ZYG11B: variants seen among roughly 807,000 people sequenced by gnomAD.
The protein encoded by ZYG11B is zyg-11 family member B, cell cycle regulator.
Under a neutral mutation model 82.4 loss-of-function variants are expected in ZYG11B, and 36 were observed. That is an observed-to-expected ratio of 0.44 (90% CI 0.33 to 0.58). The LOEUF is 0.58. ZYG11B is among the 20% of genes least tolerant of loss of function. The pLI, the probability that ZYG11B is intolerant of heterozygous loss-of-function variation, is 0.02. For synonymous variants in ZYG11B, 303 were observed against 312.8 expected (o/e 0.97, Z 0.33); for missense variants, 552 against 895.6 (o/e 0.62, Z 4.90).
intron 1 of ZYG11B, among the ~76,000 whole-genome samples, chr1:52,728,882 A>G (rs1489861408): frequency 6.6e-6 from 1 of 151,888 alleles, no homozygotes. Flanking sequence ...TTTAAGAAAG[A>G]AAGTAGGAAG....
intron 4 of ZYG11B, among the ~76,000 whole-genome samples, chr1:52,781,422 C>G (rs1255998596): frequency 6.6e-6 from 1 of 151,982 alleles, no homozygotes; most frequent in East Asian, 1.9e-4. Flanking sequence ...TTGCTCAAGC[C>G]AGGGAGGCAG....
chr1:52,743,606 A>G (rs1644452668), intron 1 of ZYG11B, among the ~76,000 whole-genome samples: 1 of 152,048 alleles, frequency 6.6e-6, no homozygotes, highest in Non-Finnish European at 1.5e-5. Context: ...CCCACGTATT[A>G]TTCCAAAGGC....
chr1:52,813,690 G>C lies in ZYG11B; in HGVS notation c.1850G>C (p.Trp617Ser). The stretch of plus-strand genomic sequence containing the variant: ...TTAATATCCAGAGGTGAACAAGCTT[G>C]GACATTGAGTCGTAGCCAGAGGAAT... ...AHLISRGEQA[W>S]TLSRSQRNSL... is the part of the protein sequence containing the mutation. The change falls in exon 11 of 14, where the codon TGG (tryptophan) becomes TCG (serine). Residue 617 changes from tryptophan (W) to serine (S), a missense_variant. Around this residue, in one of 3 missense-constraint regions of ZYG11B, gnomAD observed 127 missense variants for 163.4 expected, o/e 0.78. Coordinates refer to ENST00000294353, the MANE Select transcript of ZYG11B (RefSeq NM_024646.3). The C allele has an allele frequency of 1.2e-6, 2 of 1,614,080 alleles. No homozygotes were observed. The highest frequency in any genetic ancestry group is 1.7e-6 in the Non-Finnish European group (2 of 1,180,018).
At chr1:52,770,091 TA>T (rs869255442) in intron 2 of ZYG11B, among the ~76,000 whole-genome samples, 1,989 of 59,854 alleles carry the variant, frequency 0.033, 60 homozygotes, top group African/African-American at 0.099. Flanking sequence ...TATATATATA[TA>T]TTTTTTTTTT....
rs1558147890 is a variant in ZYG11B at position 52,825,651 on chromosome 1, GT to G, written c.*4024del. ...CTCCCCAGTCATCTTATTTGGCTATGTTAAAAAAAAAAAAAAAAAAAAAGCG... is the reference window on the plus strand; with the variant it reads ...CTCCCCAGTCATCTTATTTGGCTATGTAAAAAAAAAAAAAAAAAAAAAGCG... On this transcript the variant is annotated 3_prime_UTR_variant, in exon 14 of 14. Transcript: ENST00000294353. 1 of 74,128 alleles carries G rather than the reference GT, an allele frequency of 1.3e-5. No individual in the cohort carries two copies. The highest frequency in any genetic ancestry group is 4.5e-5 in the African/African-American group (1 of 22,150). 4.6% of individuals were successfully genotyped at this position (74,128 alleles called of 1,614,324 possible). A position where few individuals can be genotyped will look rare whatever the true frequency, so the allele number is the denominator to read the frequency against.
chr1:52,800,393 C>T (rs1312938542), intron 8 of ZYG11B, among the ~76,000 whole-genome samples: 2 of 151,704 alleles, frequency 1.3e-5, no homozygotes, highest in Admixed American at 6.6e-5. Flanking sequence ...TTACTGTTTT[C>T]AGGGGTGACA....
intron 10 of ZYG11B, among the ~76,000 whole-genome samples, 189 bp from the exon 11 acceptor site, chr1:52,813,347 T>C (rs1034946953): frequency 6.6e-6 from 1 of 152,222 alleles, no homozygotes; most frequent in African/African-American, 2.4e-5. Flanking sequence ...ACAAAACTGC[T>C]ACTTTGTCTT....
chr1:52,761,315 T>A (rs1438064310), intron 2 of ZYG11B, among the ~76,000 whole-genome samples: 1 of 152,218 alleles, frequency 6.6e-6, no homozygotes, highest in East Asian at 1.9e-4. Context: ...TACGTATCCT[T>A]TAATCAATCT....
In ZYG11B at chr1:52,806,193, A is replaced by G. The variant is rs998042906; in HGVS notation, c.1695+4054A>G. ...TTGTGAATGGCCAAGGATATGGTCT[A>G]TTTTGGTAAATATTCCATGTACACT... On this transcript the variant is annotated intron_variant, in intron 10 of 13. Transcript: ENST00000294353. 4.6e-5 allele frequency among the ~76,000 whole-genome samples: 7 copies of G among 152,134 alleles called. No homozygotes were observed. The East Asian group carries it at 5.8e-4, about 13-fold the overall frequency.
chr1:52,796,963 A>G (rs1263809145), intron 8 of ZYG11B, among the ~76,000 whole-genome samples, 179 bp downstream of exon 8: 1 of 88,796 alleles, frequency 1.1e-5, no homozygotes, highest in East Asian at 3.5e-4. Context: ...TATATATTAT[A>G]TATAATATAT....
chr1:52,789,914 T>C (rs1644942361), intron 5 of ZYG11B, 89 bp from the exon 6 acceptor site: 1 of 897,182 alleles, frequency 1.1e-6, no homozygotes. Flanking sequence ...TCAGTCTTCT[T>C]CTTTTTTTTT....
chr1:52,727,296 G>A (rs1474634505), intron 1 of ZYG11B, among the ~76,000 whole-genome samples: 6 of 152,078 alleles, frequency 3.9e-5, no homozygotes, highest in Admixed American at 1.3e-4. Flanking sequence ...GAGCTGTAGG[G>A]CGGGCAGATA....
Position 52,825,609 on chromosome 1 carries a change from T to C in ZYG11B, c.*3980T>C, listed in dbSNP as rs1645318170. 3 of 151,758 alleles carry C rather than the reference T, an allele frequency of 2.0e-5. No individual in the cohort carries two copies. The highest frequency in any genetic ancestry group is 6.6e-5 in the Admixed American group (1 of 15,164). 9.4% of individuals were successfully genotyped at this position (151,758 alleles called of 1,614,324 possible). A position where few individuals can be genotyped will look rare whatever the true frequency, so the allele number is the denominator to read the frequency against. ...AAGTTGCCCTTACAGGTGGGACCTT[T>C]TGTGTTAATCTGTTTTCTCCCCAGT... On this transcript the variant is annotated 3_prime_UTR_variant, in exon 14 of 14. Coordinates refer to ENST00000294353, the MANE Select transcript of ZYG11B (RefSeq NM_024646.3).
Position 52,821,420 on chromosome 1 carries a change from G to GTTT in ZYG11B, c.2045-12_2045-10dup, listed in dbSNP as rs561627258. 6.7e-7 allele frequency: 1 copy of GTTT among 1,498,914 alleles called. No individual in the cohort carries two copies. 92.9% of individuals were successfully genotyped at this position (1,498,914 alleles called of 1,614,324 possible). On this transcript the variant is annotated intron_variant, in intron 13 of 13. Coordinates refer to ENST00000294353, the MANE Select transcript of ZYG11B (RefSeq NM_024646.3). ...AAGCTATTTCTCCTGTTTTGTGTGT[G>GTTT]TTTTTTTTTCTTTTTCAGCTTCAAG...
chr1:52,793,130 A>G (rs1644973470), intron 6 of ZYG11B, among the ~76,000 whole-genome samples: 1 of 151,432 alleles, frequency 6.6e-6, no homozygotes, highest in South Asian at 2.1e-4. Context: ...GTGAGCCAGC[A>G]CACCCAGCCT....
At position 52,762,666 on chromosome 1, in the gene ZYG11B, C is replaced by T. The variant is rs1199801257; in HGVS notation, c.196+6043C>T. Among the ~76,000 whole-genome samples, 3 of 151,756 alleles carry T rather than the reference C, an allele frequency of 2.0e-5. No individual in the cohort carries two copies. The South Asian group carries it at 6.2e-4, about 32-fold the overall frequency. ...CGCCGTTTCAGCTCACTGCAGCCTCCGCCTCCCAGGTTCAAGCGATTCTCC... is the reference window on the plus strand; with the variant it reads ...CGCCGTTTCAGCTCACTGCAGCCTCTGCCTCCCAGGTTCAAGCGATTCTCC... On this transcript the variant is annotated intron_variant, in intron 2 of 13. Transcript: ENST00000294353.
chr1:52,769,553 T>C (rs1341364399), intron 2 of ZYG11B, among the ~76,000 whole-genome samples: 5 of 152,332 alleles, frequency 3.3e-5, no homozygotes, highest in Admixed American at 1.3e-4. Context: ...TGACTATGTA[T>C]TGGGCAGCAC....
rs34089388 is a variant in ZYG11B, at chr1:52,748,901, C to CA, written c.31-7541dup. ...TGGGCAACAGAGTGAGCTTCCATCT[C>CA]AAAAAAAAAAAAAAAATGGCCGGGC... On this transcript the variant is annotated intron_variant, in intron 1 of 13. Transcript: ENST00000294353. 2.6e-3 allele frequency among the ~76,000 whole-genome samples: 315 copies of CA among 120,702 alleles called. 3 individuals carry two copies. The highest frequency in any genetic ancestry group is 2.3e-3 in the Non-Finnish European group (128 of 55,704). The allele number at this position is 120,702 out of a possible 152,430, so 79.2% of individuals were successfully genotyped here.
rs138175399 is a variant in ZYG11B at position 52,771,273 on chromosome 1, C to T, written c.450C>T (p.Leu150=). 22 of 1,614,106 alleles carry T rather than the reference C, an allele frequency of 1.4e-5. No homozygotes were observed. Among genetic ancestry groups the T allele is most frequent in the Non-Finnish European group, 1.7e-5 (20 of 1,180,048 alleles). ...TGCTGAATTCATTAACTCTCTCCCT[C>T]GAGGATCCTTACGAGCGCTGCTTCA... ...CLVLNSLTLS[L]EDPYERCFSR... is the part of the protein sequence containing the mutation. Residue 150 remains leucine, a synonymous_variant, in exon 3 of 14, where the codon CTC becomes CTT. Transcript: ENST00000294353. The surrounding 1 kb of genome is among the most constrained non-coding windows in gnomAD (Gnocchi z 5.4).
Sources: allele counts gnomAD v4.1 joint callset (sites outside exome capture counted in the v4.1 genomes callset), GRCh38; gene constraint gnomAD v4.1.1; regional missense constraint gnomAD v4.1.1; non-coding constraint Gnocchi (gnomAD v3.1); transcripts MANE v1.5; gene names NCBI Gene and HGNC (gene_info 2026-07-23, HGNC 2026-07-21).